NRDE2: variants seen among roughly 807,000 people sequenced by gnomAD.
NRDE2 encodes the protein nuclear exosome regulator NRDE2.
NRDE2 carries 76 observed loss-of-function variants against 124.2 expected under a neutral mutation model. That is an observed-to-expected ratio of 0.61 (90% CI 0.51 to 0.74). The LOEUF is 0.74. NRDE2 is among the 30% of genes least tolerant of loss of function. The pLI is 0.00. For missense variants in NRDE2, 1,314 were observed against 1,417.3 expected, an observed-to-expected ratio of 0.93 and a Z score of 1.17; for synonymous variants, 489 against 528.1, an observed-to-expected ratio of 0.93 and a Z score of 1.01.
At chr14:90,287,804 A>G (rs1892148523) in intron 11 of NRDE2, among the ~76,000 whole-genome samples, 1 of 151,988 alleles carries the variant, frequency 6.6e-6, no homozygotes, top group Admixed American at 6.6e-5. Flanking sequence ...ACAGAGAGGG[A>G]GCTATGAGAG....
chr14:90,306,557 T>C (rs1884607814), intron 4 of NRDE2, among the ~76,000 whole-genome samples: 2 of 152,168 alleles, frequency 1.3e-5, no homozygotes, highest in Admixed American at 6.5e-5. Context: ...ATGCCTGTAA[T>C]CCCAGCACTT....
At chr14:90,330,036 A>T (rs1009633519) in intron 1 of NRDE2, among the ~76,000 whole-genome samples, 1 of 150,256 alleles carries the variant, frequency 6.7e-6, no homozygotes, top group Non-Finnish European at 1.5e-5. Context: ...GTGAAACCCC[A>T]TCTCTACTAA....
rs1016374249 is a variant in NRDE2, at chr14:90,275,418, CAAAA to C, written c.*2914_*2917del. On this transcript the variant is annotated 3_prime_UTR_variant, in exon 14 of 14. Transcript: ENST00000354366. ...TTCCTAAGTTTGAGATTAAAAAAAA[CAAAA>C]AACCCCAGCACATCAGTATTGCCTT... The C allele has an allele frequency of 7.2e-5, 11 of 152,056 alleles. No homozygotes were observed. The highest frequency in any genetic ancestry group is 5.9e-5 in the Non-Finnish European group (4 of 67,994). 9.4% of individuals were successfully genotyped at this position (152,056 alleles called of 1,614,324 possible). A position where few individuals can be genotyped will look rare whatever the true frequency, so the allele number is the denominator to read the frequency against.
intron 1 of NRDE2, among the ~76,000 whole-genome samples, chr14:90,330,994 A>G (rs1885674480): frequency 6.6e-6 from 1 of 151,654 alleles, no homozygotes; most frequent in African/African-American, 2.4e-5. Flanking sequence ...CGGCACGATC[A>G]TGGCTCACTG....
chr14:90,290,143 G>T, intron 10 of NRDE2, 78 bp downstream of exon 10: 1 of 1,472,818 alleles, frequency 6.8e-7, no homozygotes. Context: ...GAGAGCACTC[G>T]GAGGCTTACA....
At chr14:90,331,567 G>A (rs1399472089) in intron 1 of NRDE2, among the ~76,000 whole-genome samples, 2 of 152,202 alleles carry the variant, frequency 1.3e-5, no homozygotes, top group African/African-American at 2.4e-5. Flanking sequence ...TCGAAAAGAA[G>A]AACAGGACCT....
At position 90,304,386 on chromosome 14, in the gene NRDE2, A is replaced by G; in HGVS notation, c.558-4T>C. ...GGAGTCTCCTTTCCTCTTGTATCTG[A>G]TATTAGAAAAAGAAAAAAAGTTACT... On this transcript the variant is annotated splice_polypyrimidine_tract_variant and splice_region_variant and intron_variant, in intron 4 of 13. Transcript: ENST00000354366. 1 of 1,577,328 alleles carries G rather than the reference A, an allele frequency of 6.3e-7. No individual in the cohort carries two copies. The highest frequency in any genetic ancestry group is 1.2e-5 in the South Asian group (1 of 86,564).
intron 4 of NRDE2, chr14:90,304,621 G>A (rs1358009662): frequency 2.2e-6 from 1 of 464,824 alleles, no homozygotes. Flanking sequence ...ATGAATTTAA[G>A]ATCATGCCTG....
intron 6 of NRDE2, 43 bp from the exon 7 acceptor site, chr14:90,301,415 G>A (rs3742668): frequency 0.39 from 622,185 of 1,594,322 alleles, 124,626 homozygotes; most frequent in East Asian, 0.51. Context: ...GGTTGATACC[G>A]TTAAAGGGAA....
intron 4 of NRDE2, among the ~76,000 whole-genome samples, chr14:90,308,557 T>C (rs538013559): frequency 6.6e-6 from 1 of 152,142 alleles, no homozygotes; most frequent in African/African-American, 2.4e-5. Context: ...AAGACAATGA[T>C]CATATCCCTG....
Position 90,288,917 on chromosome 14 carries a change from G to A in NRDE2, c.2458C>T (p.Leu820Phe), listed in dbSNP as rs1243106199. Residue 820 changes from leucine to phenylalanine, a missense_variant, in exon 11 of 14, where the codon CTC (leucine) becomes TTC (phenylalanine). By Grantham distance (22) the Leu-to-Phe change is conservative. Transcript: ENST00000354366. ...AGSRELKDSD[L>F]CELSLLYAEL... is the part of the protein sequence containing the mutation. Reference sequence around the variant, plus strand: ...GCATAGAGCAGACTGAGCTCACAGAGGTCAGAGTCTTTCAGTTCTCTGCTT... The same window carrying A: ...GCATAGAGCAGACTGAGCTCACAGAAGTCAGAGTCTTTCAGTTCTCTGCTT... The A allele has an allele frequency of 6.2e-7, 1 of 1,613,636 alleles. No homozygotes were observed. The highest frequency in any genetic ancestry group is 2.2e-5 in the East Asian group (1 of 44,864).
intron 1 of NRDE2, among the ~76,000 whole-genome samples, chr14:90,327,750 C>T (rs1219717376): frequency 2.0e-5 from 3 of 152,316 alleles, no homozygotes. Flanking sequence ...GTGGCTCACG[C>T]ACTTTGGGAG....
At chr14:90,307,581 C>T (rs1180160335) in intron 4 of NRDE2, among the ~76,000 whole-genome samples, 1 of 151,928 alleles carries the variant, frequency 6.6e-6, no homozygotes, top group East Asian at 1.9e-4. Context: ...CAAAATTTAG[C>T]CAGGCTGCTC....
chr14:90,322,561 G>C (rs888552309), intron 1 of NRDE2, among the ~76,000 whole-genome samples: 1 of 151,844 alleles, frequency 6.6e-6, no homozygotes, highest in African/African-American at 2.4e-5. Context: ...CCATTATCTA[G>C]GTATAAAGTA....
chr14:90,272,545 G>A lies in NRDE2; in HGVS notation c.*5791C>T. ...AAACATCCTGTGTCTTTTGGAGTAC[G>A]ATGTGTAAGTGCCCATTGGGTGGCC... On this transcript the variant is annotated 3_prime_UTR_variant, in exon 14 of 14. Coordinates refer to ENST00000354366, the MANE Select transcript of NRDE2 (RefSeq NM_017970.4). This position sits in a 1 kb window ranked among gnomAD's most constrained non-coding sequence, Gnocchi z 4.5. The A allele has an allele frequency of 3.3e-6, 2 of 601,648 alleles. No individual in the cohort carries two copies. Among genetic ancestry groups the A allele is most frequent in the South Asian group, 2.1e-5 (1 of 46,888 alleles). 37.3% of individuals were successfully genotyped at this position (601,648 alleles called of 1,614,324 possible).
Position 90,301,352 on chromosome 14 carries a change from G to A in NRDE2, c.1432C>T (p.His478Tyr), listed in dbSNP as rs533688840. The A allele has an allele frequency of 1.4e-5, 22 of 1,613,916 alleles. No homozygotes were observed. The East Asian group carries it at 4.7e-4, about 34-fold the overall frequency. ...GAGTGGCCAGCCTGCCGCAGAAAGT[G>A]GCACTGCTGAAGAAAGAGTGCTGCG... Reference protein sequence around the residue: ...AMFALFLQQCHFLRQAGHSEK... With the variant: ...AMFALFLQQCYFLRQAGHSEK... Residue 478 changes from histidine (H) to tyrosine (Y), a missense_variant, in exon 7 of 14, where the codon CAC becomes TAC. Physicochemically the swap from His to Tyr is moderately conservative, Grantham distance 83. Coordinates refer to ENST00000354366, the MANE Select transcript of NRDE2 (RefSeq NM_017970.4).
chr14:90,286,482 T>C lies in NRDE2; in HGVS notation c.3169A>G (p.Arg1057Gly). The C allele has an allele frequency of 6.2e-7, 1 of 1,612,176 alleles. No homozygotes were observed. The highest frequency in any genetic ancestry group is 1.3e-5 in the African/African-American group (1 of 74,160). ...LVETVQRLDG[R>G]EIHATIPETG... ...TCAGGAATTGTGGCGTGGATCTCTC[T>C]ACCGTCTAACCTGCAAGGCAAAGGC... The change falls in exon 12 of 14, where the codon AGA (arginine) becomes GGA (glycine). Residue 1057 changes from arginine to glycine, a missense_variant. Physicochemically the swap from Arg to Gly is moderately radical, Grantham distance 125. Transcript: ENST00000354366.
At chr14:90,329,180 CT>C (rs1176168185) in intron 1 of NRDE2, among the ~76,000 whole-genome samples, 2 of 152,120 alleles carry the variant, frequency 1.3e-5, no homozygotes, top group Non-Finnish European at 2.9e-5. Flanking sequence ...CGATTTCCCC[CT>C]CTCAAAATAA....
intron 8 of NRDE2, 92 bp from the exon 9 acceptor site, chr14:90,292,964 C>T (rs760522765): frequency 3.9e-5 from 46 of 1,171,152 alleles, no homozygotes; most frequent in Non-Finnish European, 4.0e-5. Context: ...GTTGGGCACC[C>T]GCAATGCCAA....
Sources: gnomAD v4.1 joint callset for allele counts (sites outside exome capture counted in the v4.1 genomes callset) on GRCh38, gnomAD v4.1.1 for gene constraint, Gnocchi (gnomAD v3.1) non-coding constraint, MANE v1.5 for transcripts, NCBI Gene and HGNC (gene_info 2026-07-23, HGNC 2026-07-21) for gene names.